The following CNTNAP5 variants were observed in gnomAD, a reference collection of about 807,000 sequenced individuals.
CNTNAP5 encodes the protein contactin-associated protein-like 5.
CNTNAP5 carries 72 observed loss-of-function variants against 150.2 expected under a neutral mutation model. The observed-to-expected ratio is 0.48, with a 90% CI of 0.40 to 0.58. CNTNAP5 has a LOEUF of 0.58. Among genes scored for constraint, CNTNAP5 ranks in the 20% least tolerant of loss-of-function variants. The pLI is 0.00. For missense variants in CNTNAP5, 1,636 were observed against 1,626.2 expected (o/e 1.01, Z -0.10); for synonymous variants, 672 against 619.8 (o/e 1.08, Z -1.25).
At chr2:124,650,795 T>G (rs1445275202) in intron 13 of CNTNAP5, among the ~76,000 whole-genome samples, 1 of 152,180 alleles carries the variant, frequency 6.6e-6, no homozygotes, top group East Asian at 1.9e-4. Context: ...ATAGAGTATT[T>G]TATTATATGG....
chr2:124,710,026 C>T (rs2105102258), intron 13 of CNTNAP5, among the ~76,000 whole-genome samples: 1 of 151,632 alleles, frequency 6.6e-6, no homozygotes, highest in East Asian at 1.9e-4. Context: ...AAAAAGTGGT[C>T]CCGGGTCTTA....
intron 1 of CNTNAP5, among the ~76,000 whole-genome samples, chr2:124,073,836 G>C (rs1682373362): frequency 2.0e-5 from 3 of 152,062 alleles, no homozygotes; most frequent in African/African-American, 7.2e-5. Flanking sequence ...CCACTGCTGG[G>C]TATATACTCA....
intron 1 of CNTNAP5, among the ~76,000 whole-genome samples, chr2:124,073,408 A>G (rs1682360321): frequency 6.6e-6 from 1 of 152,152 alleles, no homozygotes; most frequent in Non-Finnish European, 1.5e-5. Context: ...GAAACAATTA[A>G]CAAAGTGAAG....
At position 124,085,125 on chromosome 2, in the gene CNTNAP5, T is replaced by G. The variant is rs557099343; in HGVS notation, c.82+59393T>G. On this transcript the variant is annotated intron_variant, in intron 1 of 23. Transcript: ENST00000682447. ...TTAGTAGAGACGGGGTTTCACCATG[T>G]TGGTCAGGCTGGTCTTGAACCCCTG... Among the ~76,000 whole-genome samples the G allele has an allele frequency of 1.3e-4, 20 of 151,228 alleles. No individual in the cohort carries two copies. In the East Asian group the frequency reaches 2.4e-3, roughly 18 times the overall value.
In CNTNAP5 at chr2:124,515,425, A is replaced by G. The variant is rs532477377; in HGVS notation, c.1328-8878A>G. Reference sequence around the variant, plus strand: ...ATTATGAGCTAAACAAATAGATCAGACAGTGGATGCTATAGGAATTTAGAA... The same window carrying G: ...ATTATGAGCTAAACAAATAGATCAGGCAGTGGATGCTATAGGAATTTAGAA... On this transcript the variant is annotated intron_variant, in intron 8 of 23. Transcript: ENST00000682447. 2.0e-5 allele frequency among the ~76,000 whole-genome samples: 3 copies of G among 152,342 alleles called. No homozygotes were observed. The East Asian group carries it at 5.8e-4, about 29-fold the overall frequency.
chr2:124,162,465 C>A (rs1057134700), intron 1 of CNTNAP5, among the ~76,000 whole-genome samples: 2 of 152,202 alleles, frequency 1.3e-5, no homozygotes, highest in Non-Finnish European at 2.9e-5. Flanking sequence ...TACACCCACA[C>A]AAAGTCCAAT....
intron 3 of CNTNAP5, among the ~76,000 whole-genome samples, chr2:124,256,383 G>A (rs1444250450): frequency 6.6e-6 from 1 of 151,948 alleles, no homozygotes; most frequent in African/African-American, 2.4e-5. Context: ...TTCAGGAGAG[G>A]GCTGGCATTT....
chr2:124,572,561 T>C (rs1696189802), intron 11 of CNTNAP5, among the ~76,000 whole-genome samples: 1 of 152,168 alleles, frequency 6.6e-6, no homozygotes, highest in South Asian at 2.1e-4. Flanking sequence ...AGGATGTTTT[T>C]CAAGGGTGGA....
At chr2:124,615,140 G>T (rs1677468485) in intron 12 of CNTNAP5, among the ~76,000 whole-genome samples, 1 of 152,144 alleles carries the variant, frequency 6.6e-6, no homozygotes, top group African/African-American at 2.4e-5. Flanking sequence ...TGATTAGGAT[G>T]GTGGTTGCTG....
chr2:124,431,980 A>G (rs535002936), intron 4 of CNTNAP5, among the ~76,000 whole-genome samples: 2 of 152,242 alleles, frequency 1.3e-5, no homozygotes, highest in East Asian at 3.9e-4. Flanking sequence ...AGTTCACCAC[A>G]CAAGGGACCC....
intron 1 of CNTNAP5, among the ~76,000 whole-genome samples, chr2:124,059,102 T>C (rs1681933482): frequency 6.6e-6 from 1 of 152,200 alleles, no homozygotes; most frequent in African/African-American, 2.4e-5. Context: ...TTGTTACTTC[T>C]TCATATTTTA....
At chr2:124,532,492 T>G (rs530561256) in intron 10 of CNTNAP5, among the ~76,000 whole-genome samples, 10 of 152,070 alleles carry the variant, frequency 6.6e-5, no homozygotes, top group Non-Finnish European at 1.2e-4. Context: ...GAGAGACAGA[T>G]TAGCAAATGC....
intron 1 of CNTNAP5, 43 bp downstream of exon 1, chr2:124,025,775 G>T: frequency 6.9e-7 from 1 of 1,455,644 alleles, no homozygotes; most frequent in East Asian, 2.3e-5. Context: ...GGTGGAAAAC[G>T]ATCGCATTCA....
chr2:124,503,866 G>T (rs1054748108), intron 7 of CNTNAP5, among the ~76,000 whole-genome samples: 1 of 151,994 alleles, frequency 6.6e-6, no homozygotes, highest in Non-Finnish European at 1.5e-5. Context: ...GTTTTCCTTC[G>T]CATAACCTTT....
chr2:124,616,053 A>G (rs1677486420), intron 12 of CNTNAP5, among the ~76,000 whole-genome samples: 3 of 151,728 alleles, frequency 2.0e-5, no homozygotes, highest in Admixed American at 1.3e-4. Context: ...TATTCCATTT[A>G]GAGAGTACAG....
At chr2:124,380,213 G>A (rs976626191) in intron 3 of CNTNAP5, among the ~76,000 whole-genome samples, 1 of 152,024 alleles carries the variant, frequency 6.6e-6, no homozygotes, top group African/African-American at 2.4e-5. Context: ...GGCAAGAACC[G>A]CATTTTGTAC....
intron 3 of CNTNAP5, among the ~76,000 whole-genome samples, chr2:124,379,951 C>T (rs1690746760): frequency 6.6e-6 from 1 of 152,130 alleles, no homozygotes; most frequent in Non-Finnish European, 1.5e-5. Context: ...CTTACAACTA[C>T]ACAGAAATCA....
At chr2:124,809,920 A>T (rs966255312) in intron 19 of CNTNAP5, among the ~76,000 whole-genome samples, 8 of 152,192 alleles carry the variant, frequency 5.3e-5, no homozygotes, top group Admixed American at 2.0e-4. Flanking sequence ...AGGCAAAGGC[A>T]AAATCCTAAA....
At chr2:124,291,493 A>C (rs1688292104) in intron 3 of CNTNAP5, among the ~76,000 whole-genome samples, 1 of 151,736 alleles carries the variant, frequency 6.6e-6, no homozygotes, top group Admixed American at 6.6e-5. Context: ...AAAAATCAGT[A>C]TTTGTAATTC....
Sources: gnomAD v4.1 joint callset for allele counts (sites outside exome capture counted in the v4.1 genomes callset) on GRCh38, gnomAD v4.1.1 for gene constraint, MANE v1.5 for transcripts, NCBI Gene and HGNC (gene_info 2026-07-23, HGNC 2026-07-21) for gene names.